Variants in RABEP1 observed in about 807,000 individuals in gnomAD.
RABEP1 encodes rabaptin, RAB GTPase binding effector protein 1.
Under a neutral mutation model 123.4 loss-of-function variants are expected in RABEP1, and 51 were observed. That is an observed-to-expected ratio of 0.41 (90% confidence interval 0.33 to 0.52). RABEP1 has a LOEUF of 0.52. Among genes scored for constraint, RABEP1 ranks in the 20% least tolerant of loss-of-function variants. The probability of loss-of-function intolerance (pLI) is 0.16; values close to 1 mark genes in which losing one functional copy is unlikely to be tolerated. For missense variants in RABEP1, 888 were observed against 996.3 expected (o/e 0.89, Z 1.46); for synonymous variants, 347 against 355.2 (o/e 0.98, Z 0.26).
chr17:5,282,703 G>A (rs2074938652), intron 1 of RABEP1, among the ~76,000 whole-genome samples, 183 bp downstream of exon 1: 1 of 147,780 alleles, frequency 6.8e-6, no homozygotes, highest in Non-Finnish European at 1.5e-5. Flanking sequence ...CCCGGCTGCC[G>A]TCGCTGGGGA....
rs911408715 is a variant in RABEP1, at chr17:5,367,921, A to T, written c.1786-449A>T. On this transcript the variant is annotated intron_variant, in intron 11 of 17. Transcript: ENST00000537505. ...AGGTGCCCGCCACCACACCCAGCTAATTTTTTTTTACTTTTAGTAGAGATG... is the reference window on the plus strand; with the variant it reads ...AGGTGCCCGCCACCACACCCAGCTATTTTTTTTTTACTTTTAGTAGAGATG... Among the ~76,000 whole-genome samples, 2 of 148,816 alleles carry T rather than the reference A, an allele frequency of 1.3e-5. 1 individual carries two copies. Among genetic ancestry groups the T allele is most frequent in the South Asian group, 4.5e-4 (2 of 4,470 alleles).
intron 1 of RABEP1, among the ~76,000 whole-genome samples, chr17:5,286,452 C>T (rs1460294802): frequency 6.6e-6 from 1 of 152,080 alleles, no homozygotes; most frequent in East Asian, 1.9e-4. Flanking sequence ...CGAGATCGTG[C>T]CACTGCACTC....
At chr17:5,332,551 A>T (rs1053766367) in intron 3 of RABEP1, among the ~76,000 whole-genome samples, 1 of 151,744 alleles carries the variant, frequency 6.6e-6, no homozygotes, top group African/African-American at 2.4e-5. Context: ...GATGAGCTTC[A>T]GCTAATTATT....
intron 1 of RABEP1, among the ~76,000 whole-genome samples, chr17:5,302,666 G>T (rs992928666): frequency 1.4e-5 from 2 of 146,440 alleles, no homozygotes; most frequent in Non-Finnish European, 3.0e-5. Flanking sequence ...AGGCGCAAGC[G>T]ACAGGCACAC....
chr17:5,361,816 A>C (rs1465639994), intron 9 of RABEP1, 141 bp downstream of exon 9: 2 of 679,116 alleles, frequency 2.9e-6, no homozygotes, highest in Non-Finnish European at 4.9e-6. Flanking sequence ...AACGTGTGTC[A>C]CCTGACCCTT....
Position 5,350,646 on chromosome 17 carries a change from A to G in RABEP1, c.963+17A>G. ...AAAGATCAGGTGAATAGAAGTTTTT[A>G]GGACTGATTTGCTTTGTCAGTAATG... On this transcript the variant is annotated intron_variant, in intron 7 of 17. Transcript: ENST00000537505. The G allele has an allele frequency of 1.9e-6, 3 of 1,613,030 alleles. No homozygotes were observed. In the South Asian group the frequency reaches 3.3e-5, roughly 18 times the overall value.
chr17:5,349,227 A>T (rs1052011939), intron 6 of RABEP1, among the ~76,000 whole-genome samples: 3 of 152,222 alleles, frequency 2.0e-5, no homozygotes, highest in African/African-American at 4.8e-5. Context: ...TCAGTCTCAT[A>T]GCACTGTGGT....
intron 1 of RABEP1, among the ~76,000 whole-genome samples, chr17:5,288,320 T>G (rs1478502484): frequency 6.6e-6 from 1 of 151,790 alleles, no homozygotes; most frequent in Non-Finnish European, 1.5e-5. Flanking sequence ...GCCTGAGGGG[T>G]CTTTTTCCTT....
At position 5,332,087 on chromosome 17, in the gene RABEP1, A is replaced by G; in HGVS notation, c.302A>G (p.Glu101Gly). 1.9e-6 allele frequency: 3 copies of G among 1,614,168 alleles called. No homozygotes were observed. The highest frequency in any genetic ancestry group is 2.5e-6 in the Non-Finnish European group (3 of 1,180,020). The stretch of plus-strand genomic sequence containing the variant: ...ACAGTCTCTGAGAACACCAAGCAAG[A>G]AGCTATAGATGAAGTGAAAAGACAG... ...IATVSENTKQ[E>G]AIDEVKRQWR... Residue 101 changes from glutamate (E) to glycine (G), a missense_variant, in exon 3 of 18, where the codon GAA (glutamate) becomes GGA (glycine). Transcript: ENST00000537505.
intron 4 of RABEP1, chr17:5,336,571 T>G (rs1260158567): frequency 2.4e-6 from 1 of 422,978 alleles, no homozygotes; most frequent in Admixed American, 3.4e-5. Flanking sequence ...ATTTTTCTTG[T>G]TTTTAATGAC....
chr17:5,297,539 T>C (rs1349791022), intron 1 of RABEP1, among the ~76,000 whole-genome samples: 1 of 152,230 alleles, frequency 6.6e-6, no homozygotes, highest in Non-Finnish European at 1.5e-5. Flanking sequence ...CCAGCTCTGC[T>C]ACTTACTAGC....
At chr17:5,282,669 G>A (rs1475279877) in intron 1 of RABEP1, 149 bp downstream of exon 1, 7 of 363,224 alleles carry the variant, frequency 1.9e-5, no homozygotes, top group Non-Finnish European at 2.3e-5. Flanking sequence ...CGCGGGCTGC[G>A]GCGCGCGAGG....
intron 1 of RABEP1, among the ~76,000 whole-genome samples, chr17:5,290,227 A>G (rs1374839273): frequency 1.3e-5 from 2 of 152,148 alleles, no homozygotes. Context: ...AGTTGGGACT[A>G]CAGGCGCCCG....
intron 10 of RABEP1, 59 bp from the exon 11 acceptor site, chr17:5,365,061 TAA>T (rs58953748): frequency 0.19 from 163,170 of 869,336 alleles, 7,947 homozygotes; most frequent in Middle Eastern, 0.21. Context: ...GAGTTAGATT[TAA>T]AAAAAAAAAA....
Position 5,383,172 on chromosome 17 carries a change from A to G in RABEP1, c.2538A>G (p.Ala846=), listed in dbSNP as rs1911640869. The G allele has an allele frequency of 1.9e-6, 3 of 1,614,160 alleles. No homozygotes were observed. The highest frequency in any genetic ancestry group is 2.5e-6 in the Non-Finnish European group (3 of 1,180,028). The change falls in exon 18 of 18, where the codon GCA becomes GCG. Residue 846 remains alanine (A), a synonymous_variant. Coordinates refer to ENST00000537505, the MANE Select transcript of RABEP1 (RefSeq NM_004703.6). ...CTGACTCCTTGGAGAGAATCCGGGC[A>G]ATTCTGAATGATACTAAACTGACAG... The part of the protein sequence containing the change: ...RQADSLERIR[A]ILNDTKLTDI...
chr17:5,367,404 T>C (rs1329023235), intron 11 of RABEP1, among the ~76,000 whole-genome samples: 2 of 151,456 alleles, frequency 1.3e-5, no homozygotes, highest in East Asian at 3.9e-4. Flanking sequence ...CCTGAGTAGC[T>C]GGGACTACAG....
intron 11 of RABEP1, 100 bp downstream of exon 11, chr17:5,365,338 T>A (rs1376839722): frequency 1.5e-5 from 12 of 777,338 alleles, no homozygotes; most frequent in African/African-American, 5.4e-5. Flanking sequence ...CCTTGAAGAT[T>A]TGGCAGTTTT....
rs554426702 is a variant in RABEP1 at position 5,361,724 on chromosome 17, T to C, written c.1563+49T>C. 2.7e-5 allele frequency: 39 copies of C among 1,432,876 alleles called. No individual in the cohort carries two copies. In the Admixed American group the frequency reaches 4.9e-4, roughly 18 times the overall value. The allele number at this position is 1,432,876 out of a possible 1,614,324, so 88.8% of individuals were successfully genotyped here. ...TCCTCTTGCTCACGCTGAGGCACAC[T>C]GGGAAGCTCTGGGATTTAGCGTTCA... On this transcript the variant is annotated intron_variant, in intron 9 of 17. Coordinates refer to ENST00000537505, the MANE Select transcript of RABEP1 (RefSeq NM_004703.6).
chr17:5,352,839 AAAAC>A (rs962294740), intron 7 of RABEP1, among the ~76,000 whole-genome samples: 3 of 152,158 alleles, frequency 2.0e-5, no homozygotes, highest in Admixed American at 1.3e-4. Context: ...TCAAAAAACA[AAAAC>A]AAAAACAAAG....
Sources: gnomAD v4.1 joint callset for allele counts (sites outside exome capture counted in the v4.1 genomes callset) on GRCh38, gnomAD v4.1.1 for gene constraint, MANE v1.5 for transcripts, NCBI Gene and HGNC (gene_info 2026-07-23, HGNC 2026-07-21) for gene names.